The following MAGI2 variants were observed in gnomAD, a reference collection of about 807,000 sequenced individuals.
MAGI2 encodes the protein membrane-associated guanylate kinase, WW and PDZ domain-containing protein 2.
A neutral mutation model predicts 133.3 loss-of-function variants in MAGI2; 35 were observed. The ratio of observed to expected loss-of-function variants is 0.26; its 90% CI spans 0.20 to 0.35. The LOEUF (loss-of-function observed/expected upper bound fraction) is 0.35. Among genes scored for constraint, MAGI2 ranks in the 10% least tolerant of loss-of-function variants. The pLI, the probability that MAGI2 is intolerant of heterozygous loss-of-function variation, is 1.00. For missense variants in MAGI2, 1,636 were observed against 1,863.4 expected (o/e 0.88, Z 2.25); for synonymous variants, 729 against 710.6 (o/e 1.03, Z -0.41).
At chr7:78,733,557 G>A (rs16886302) in intron 2 of MAGI2, among the ~76,000 whole-genome samples, 10,463 of 152,002 alleles carry the variant, frequency 0.069, 394 homozygotes, top group Admixed American at 0.11. Flanking sequence ...GTTATTTTCC[G>A]GTTAAATAAA....
intron 6 of MAGI2, among the ~76,000 whole-genome samples, chr7:78,369,705 C>G (rs1242192937): frequency 2.0e-5 from 3 of 151,970 alleles, no homozygotes; most frequent in Non-Finnish European, 4.4e-5. Context: ...TGCTGTTACT[C>G]CACATGGGTC....
At chr7:78,418,127 C>G (rs1003687651) in intron 6 of MAGI2, among the ~76,000 whole-genome samples, 1 of 152,080 alleles carries the variant, frequency 6.6e-6, no homozygotes, top group Non-Finnish European at 1.5e-5. Flanking sequence ...GCATTCCAGT[C>G]TGGGCGACAG....
At chr7:78,752,920 T>C (rs975747585) in intron 2 of MAGI2, among the ~76,000 whole-genome samples, 3 of 152,228 alleles carry the variant, frequency 2.0e-5, no homozygotes, top group Non-Finnish European at 4.4e-5. Flanking sequence ...TTAAAAAGGC[T>C]CAAATATTTT....
chr7:79,147,438 A>G (rs1444622927), intron 1 of MAGI2, among the ~76,000 whole-genome samples: 1 of 152,128 alleles, frequency 6.6e-6, no homozygotes, highest in Non-Finnish European at 1.5e-5. Context: ...GAAGTAAGCA[A>G]GCTCTGCAGG....
intron 2 of MAGI2, among the ~76,000 whole-genome samples, chr7:79,004,404 A>T (rs935128597): frequency 1.3e-5 from 2 of 152,202 alleles, no homozygotes; most frequent in African/African-American, 4.8e-5. Flanking sequence ...GAGCTAAAAA[A>T]GTTGATTCCA....
At chr7:78,231,199 G>A (rs1200210975) in intron 10 of MAGI2, among the ~76,000 whole-genome samples, 3 of 152,228 alleles carry the variant, frequency 2.0e-5, no homozygotes, top group South Asian at 2.1e-4. Flanking sequence ...AGGTGCTGCC[G>A]TAAGGTTAAG....
At chr7:78,723,746 G>C (rs1397968780) in intron 2 of MAGI2, among the ~76,000 whole-genome samples, 2 of 152,074 alleles carry the variant, frequency 1.3e-5, no homozygotes, top group African/African-American at 4.8e-5. Context: ...TCAAAACCAG[G>C]GAGTACTGAC....
intron 2 of MAGI2, among the ~76,000 whole-genome samples, chr7:78,956,539 GA>G (rs1802394266): frequency 6.6e-6 from 1 of 151,998 alleles, no homozygotes; most frequent in Admixed American, 6.6e-5. Flanking sequence ...TCTAAGTTGA[GA>G]AAAAAAGTGC....
intron 2 of MAGI2, among the ~76,000 whole-genome samples, chr7:78,857,445 G>C (rs370751966): frequency 2.0e-5 from 3 of 152,286 alleles, no homozygotes; most frequent in South Asian, 4.1e-4. Context: ...CTAATTTATT[G>C]AGAGTTTTTA....
chr7:79,423,620 A>G (rs999652677), intron 1 of MAGI2, among the ~76,000 whole-genome samples: 20 of 152,068 alleles, frequency 1.3e-4, no homozygotes, highest in Admixed American at 2.6e-4. Flanking sequence ...TTAGATACGA[A>G]GTATATGTAT....
At chr7:78,699,873 T>G (rs1381546800) in intron 2 of MAGI2, among the ~76,000 whole-genome samples, 1 of 152,136 alleles carries the variant, frequency 6.6e-6, no homozygotes, top group Non-Finnish European at 1.5e-5. Flanking sequence ...ATAACTTTTA[T>G]ATCAAAATAA....
In MAGI2 at chr7:78,840,888, T is replaced by A. The variant is rs1792088713; in HGVS notation, c.418+166202A>T. Among the ~76,000 whole-genome samples, 4 of 152,056 alleles carry A rather than the reference T, an allele frequency of 2.6e-5. No individual in the cohort carries two copies. In the South Asian group the frequency reaches 8.3e-4, roughly 31 times the overall value. ...TAATAAGACCCATGTGAAAATGTTA[T>A]CATAAACATTTAAGAAATTAACTGA... On this transcript the variant is annotated intron_variant, in intron 2 of 21. Transcript: ENST00000354212.
intron 9 of MAGI2, among the ~76,000 whole-genome samples, chr7:78,278,456 A>C (rs1476665956): frequency 6.6e-6 from 1 of 152,186 alleles, no homozygotes; most frequent in Non-Finnish European, 1.5e-5. Context: ...CTGAAATAAT[A>C]CAAGTTAAAG....
chr7:78,902,905 T>C (rs575167786), intron 2 of MAGI2, among the ~76,000 whole-genome samples: 1 of 152,234 alleles, frequency 6.6e-6, no homozygotes, highest in Admixed American at 6.5e-5. Context: ...TCAAACATTT[T>C]AGAGACTGGA....
At chr7:78,606,218 T>C (rs1443873682) in intron 3 of MAGI2, among the ~76,000 whole-genome samples, 3 of 152,120 alleles carry the variant, frequency 2.0e-5, no homozygotes, top group African/African-American at 7.2e-5. Context: ...TTTGTTTTTT[T>C]AAAAGGTCAA....
intron 1 of MAGI2, among the ~76,000 whole-genome samples, chr7:79,153,702 G>A (rs1352478454): frequency 4.6e-5 from 7 of 152,200 alleles, no homozygotes; most frequent in Non-Finnish European, 8.8e-5. Flanking sequence ...CCATGGCTGG[G>A]TTTTTATCAC....
chr7:78,584,002 A>G (rs553227428), intron 3 of MAGI2, among the ~76,000 whole-genome samples: 2 of 152,372 alleles, frequency 1.3e-5, no homozygotes, highest in East Asian at 3.9e-4. Context: ...AGCAGAGGTC[A>G]GTCACTAAGC....
intron 3 of MAGI2, among the ~76,000 whole-genome samples, chr7:78,588,167 T>A (rs561413905): frequency 6.6e-6 from 1 of 152,364 alleles, no homozygotes; most frequent in African/African-American, 2.4e-5. Flanking sequence ...TGTTCAACGT[T>A]AGCCCTCTTT....
intron 6 of MAGI2, among the ~76,000 whole-genome samples, chr7:78,433,858 A>G (rs1237063309): frequency 6.6e-6 from 1 of 152,162 alleles, no homozygotes; most frequent in Non-Finnish European, 1.5e-5. Context: ...AAATGTGAGG[A>G]TATTTTACAT....
Sources: gnomAD v4.1 joint callset for allele counts (sites outside exome capture counted in the v4.1 genomes callset) on GRCh38, gnomAD v4.1.1 for gene constraint, MANE v1.5 for transcripts, NCBI Gene and HGNC (gene_info 2026-07-23, HGNC 2026-07-21) for gene names.